CLCN4: variants seen among roughly 807,000 people sequenced by gnomAD.
The protein encoded by CLCN4 is Cl-/H+ antiporter 4, also known as H(+)/Cl(-) exchange transporter 4.
A neutral mutation model predicts 41.7 loss-of-function variants in CLCN4; 1 was observed. The ratio of observed to expected loss-of-function variants is 0.02; its 90% CI spans 0.01 to 0.11. The LOEUF (loss-of-function observed/expected upper bound fraction) is 0.11, where lower values mean the gene tolerates loss of function less well. Among genes scored for constraint, CLCN4 ranks in the 10% least tolerant of loss-of-function variants. The probability of loss-of-function intolerance (pLI) is 1.00; values close to 1 mark genes in which losing one functional copy is unlikely to be tolerated. For missense variants in CLCN4, 287 were observed against 661.0 expected, an observed-to-expected ratio of 0.43 and a Z score of 6.20; for synonymous variants, 277 against 285.8, an observed-to-expected ratio of 0.97 and a Z score of 0.31.
chrX:10,180,356 A>G, intron 2 of CLCN4, among the ~76,000 whole-genome samples: 1 of 111,661 alleles, frequency 9.0e-6, no homozygotes, highest in Non-Finnish European at 1.9e-5. Flanking sequence ...ATGAACAGCA[A>G]GTGGCAAAAG....
At chrX:10,199,727 CT>C (rs59356889) in intron 6 of CLCN4, among the ~76,000 whole-genome samples, 29 of 112,029 alleles carry the variant, frequency 2.6e-4, no homozygotes, top group African/African-American at 9.4e-4. Context: ...TTTGCATTTT[CT>C]TTTTTTCTTT....
At chrX:10,197,338 T>C (rs927427616) in intron 5 of CLCN4, among the ~76,000 whole-genome samples, 2 of 111,892 alleles carry the variant, frequency 1.8e-5, no homozygotes, top group African/African-American at 6.5e-5. Context: ...TGTTAAAACA[T>C]ATTGACCTGG....
At chrX:10,211,583 C>A (rs189926863) in intron 9 of CLCN4, among the ~76,000 whole-genome samples, 152 of 112,002 alleles carry the variant, frequency 1.4e-3, no homozygotes, top group African/African-American at 4.5e-3. Flanking sequence ...AGAAATCACA[C>A]CCAAGGATCC....
intron 2 of CLCN4, among the ~76,000 whole-genome samples, chrX:10,174,082 G>A (rs1487954010): frequency 8.9e-6 from 1 of 112,223 alleles, no homozygotes; most frequent in African/African-American, 3.2e-5. Context: ...GCATCCCCTG[G>A]GGGCAGAATG....
At chrX:10,215,452 G>A (rs1024491004) in intron 11 of CLCN4, among the ~76,000 whole-genome samples, 7 of 111,915 alleles carry the variant, frequency 6.3e-5, no homozygotes, top group Non-Finnish European at 1.3e-4. Context: ...TTGTGCTTAA[G>A]TGTTCGGCGA....
intron 2 of CLCN4, among the ~76,000 whole-genome samples, chrX:10,160,902 G>T (rs1410022811): frequency 1.8e-5 from 2 of 111,087 alleles, no homozygotes; most frequent in African/African-American, 3.3e-5. Flanking sequence ...CTTGGCTGTT[G>T]GGGAGGGACG....
intron 6 of CLCN4, 121 bp downstream of exon 6, chrX:10,198,182 A>C (rs1924147671): frequency 1.2e-5 from 8 of 679,242 alleles, no homozygotes; most frequent in Non-Finnish European, 1.5e-5. Context: ...TTTCTCAATA[A>C]GACTATGACG....
In CLCN4 at chrX:10,234,872, AT is replaced by A; in HGVS notation, c.*1289del. On this transcript the variant is annotated 3_prime_UTR_variant, in exon 13 of 13. Coordinates refer to ENST00000380833, the MANE Select transcript of CLCN4 (RefSeq NM_001830.4). ...CTTTTCTGCGGGAAGGAATTAAGCT[AT>A]GTATTAGGTCCACCATACGATCTGT... 1 of 112,151 alleles carries A rather than the reference AT, an allele frequency of 8.9e-6. No homozygotes were observed. Among genetic ancestry groups the A allele is most frequent in the Admixed American group, 9.5e-5 (1 of 10,573 alleles). The allele number at this position is 112,151 out of a possible 1,213,427, so 9.2% of individuals were successfully genotyped here.
At chrX:10,231,971 T>G (rs1925138348) in intron 12 of CLCN4, among the ~76,000 whole-genome samples, 1 of 112,305 alleles carries the variant, frequency 8.9e-6, no homozygotes, top group African/African-American at 3.2e-5. Flanking sequence ...TTATCAAGTA[T>G]TCCTCCCCAT....
At chrX:10,163,386 A>G (rs1263951686) in intron 2 of CLCN4, among the ~76,000 whole-genome samples, 1 of 98,769 alleles carries the variant, frequency 1.0e-5, no homozygotes, top group Non-Finnish European at 2.0e-5. Flanking sequence ...TGTGATAAGT[A>G]TTTTTTTAAA....
At chrX:10,221,357 A>G (rs1481237265) in intron 12 of CLCN4, among the ~76,000 whole-genome samples, 1 of 112,053 alleles carries the variant, frequency 8.9e-6, no homozygotes, top group Admixed American at 9.4e-5. Flanking sequence ...GTGGAAGCCT[A>G]ATAAGAATGG....
At chrX:10,160,207 A>C (rs1455432109) in intron 2 of CLCN4, among the ~76,000 whole-genome samples, 2 of 111,451 alleles carry the variant, frequency 1.8e-5, no homozygotes, top group Non-Finnish European at 3.8e-5. Context: ...ATCTCGAAAT[A>C]TTCTTCTTCG....
chrX:10,215,433 G>A (rs1246689784), intron 11 of CLCN4, among the ~76,000 whole-genome samples: 13 of 112,011 alleles, frequency 1.2e-4, no homozygotes, highest in Non-Finnish European at 2.1e-4. Context: ...TTTAGACACC[G>A]TAGCAAGTTT....
intron 4 of CLCN4, among the ~76,000 whole-genome samples, chrX:10,190,928 A>T: frequency 1.8e-5 from 2 of 112,460 alleles, no homozygotes; most frequent in Middle Eastern, 4.6e-3. Context: ...TCTGATATTT[A>T]AAATTTAAAA....
chrX:10,207,842 G>A (rs1924435351), intron 8 of CLCN4, among the ~76,000 whole-genome samples: 1 of 111,724 alleles, frequency 9.0e-6, no homozygotes, highest in Non-Finnish European at 1.9e-5. Flanking sequence ...AACCCACCTT[G>A]ATTAGTGTCC....
chrX:10,165,424 G>A (rs930744453), intron 2 of CLCN4, among the ~76,000 whole-genome samples: 1 of 112,500 alleles, frequency 8.9e-6, no homozygotes, highest in Non-Finnish European at 1.9e-5. Context: ...GTGGGTGGGC[G>A]CTCCCCCTGA....
At chrX:10,187,718 G>C in intron 4 of CLCN4, 104 bp downstream of exon 4, 2 of 615,911 alleles carry the variant, frequency 3.2e-6, no homozygotes, top group Admixed American at 5.0e-5. Context: ...GTCGCTTGTC[G>C]CTTTTACCCC....
intron 4 of CLCN4, among the ~76,000 whole-genome samples, chrX:10,188,386 C>T (rs1923868296): frequency 8.9e-6 from 1 of 112,369 alleles, no homozygotes; most frequent in Non-Finnish European, 1.9e-5. Flanking sequence ...TAGACACCCA[C>T]GGGAGCTGAG....
intron 10 of CLCN4, 29 bp downstream of exon 10, chrX:10,212,682 G>T: frequency 8.6e-7 from 1 of 1,167,445 alleles, no homozygotes; most frequent in South Asian, 1.9e-5. Flanking sequence ...CAGGGAGGGG[G>T]ACCGGGGAAC....
Sources: gnomAD v4.1 joint callset for allele counts (sites outside exome capture counted in the v4.1 genomes callset) on GRCh38, gnomAD v4.1.1 for gene constraint, MANE v1.5 for transcripts, NCBI Gene and HGNC (gene_info 2026-07-23, HGNC 2026-07-21) for gene names.